Variants in KHDRBS2 observed in about 807,000 individuals in gnomAD.
KHDRBS2 encodes the protein KH RNA binding domain containing, signal transduction associated 2, also known as KH domain-containing, RNA-binding, signal transduction-associated protein 2.
In KHDRBS2, 26 loss-of-function variants were observed where a neutral mutation model predicts 44.3. The ratio of observed to expected loss-of-function variants is 0.59; its 90% CI spans 0.43 to 0.81. The LOEUF (loss-of-function observed/expected upper bound fraction) is 0.81, where lower values mean the gene tolerates loss of function less well. Ranked by LOEUF, KHDRBS2 falls within the 40% of genes least tolerant of loss-of-function variation. KHDRBS2 has a pLI of 0.00. For synonymous variants in KHDRBS2, 194 were observed against 151.1 expected, an observed-to-expected ratio of 1.28 and a Z score of -2.08; for missense variants, 476 against 433.1, an observed-to-expected ratio of 1.10 and a Z score of -0.88.
intron 6 of KHDRBS2, among the ~76,000 whole-genome samples, chr6:61,733,937 C>G (rs192101851): frequency 1.3e-4 from 20 of 152,262 alleles, no homozygotes; most frequent in Admixed American, 7.2e-4. Context: ...CCTAGCACTT[C>G]ATAAATTCTT....
At chr6:62,183,843 A>T (rs1287505140) in intron 1 of KHDRBS2, among the ~76,000 whole-genome samples, 1 of 151,680 alleles carries the variant, frequency 6.6e-6, no homozygotes, top group East Asian at 1.9e-4. Flanking sequence ...GAGGTTGTAA[A>T]ACACCTAACT....
intron 3 of KHDRBS2, among the ~76,000 whole-genome samples, chr6:61,990,238 T>A (rs999524665): frequency 6.6e-6 from 1 of 152,170 alleles, no homozygotes; most frequent in African/African-American, 2.4e-5. Context: ...TCAGATTTTT[T>A]GTCCAGAAAG....
chr6:62,113,036 A>C (rs1383635419), intron 2 of KHDRBS2, among the ~76,000 whole-genome samples: 1 of 152,140 alleles, frequency 6.6e-6, no homozygotes, highest in Admixed American at 6.6e-5. Flanking sequence ...CATTACATCC[A>C]AAATGATTTG....
chr6:62,082,546 C>T (rs1458818177), intron 2 of KHDRBS2, among the ~76,000 whole-genome samples: 1 of 152,094 alleles, frequency 6.6e-6, no homozygotes, highest in South Asian at 2.1e-4. Context: ...ACTTTTATTA[C>T]TACATCTGTC....
chr6:62,083,798 G>T (rs752001292), intron 2 of KHDRBS2, among the ~76,000 whole-genome samples: 1 of 152,158 alleles, frequency 6.6e-6, no homozygotes, highest in Non-Finnish European at 1.5e-5. Flanking sequence ...AGCTTCAGTA[G>T]CAAACTATTA....
chr6:61,668,366 A>G, the KHDRBS2 span, among the ~76,000 whole-genome samples: 3 of 151,052 alleles, frequency 2.0e-5, no homozygotes, highest in African/African-American at 4.8e-5. Context: ...GCTGGTATAA[A>G]TTTTTATTCT....
intron 4 of KHDRBS2, among the ~76,000 whole-genome samples, chr6:61,911,737 C>T (rs1806081843): frequency 6.6e-6 from 1 of 151,746 alleles, no homozygotes; most frequent in Admixed American, 6.6e-5. Flanking sequence ...GTGATTATTC[C>T]TTCTAGCTGT....
chr6:61,633,533 C>A, the KHDRBS2 span, among the ~76,000 whole-genome samples: 1 of 152,146 alleles, frequency 6.6e-6, no homozygotes, highest in Admixed American at 6.6e-5. Context: ...CTTAGGTATT[C>A]TCCTAAGTGC....
In KHDRBS2 at chr6:62,243,816, G is replaced by A. The variant is rs1835089553; in HGVS notation, c.91+42042C>T. Among the ~76,000 whole-genome samples the A allele has an allele frequency of 3.3e-5, 5 of 152,082 alleles. No individual in the cohort carries two copies. The South Asian group carries it at 1.0e-3, about 31-fold the overall frequency. ...GCAGAGCTGCTGAGAGGATGGGTTA[G>A]GTGGTATGCCAAAAGCCAAGCTGAG... is the stretch of plus-strand genomic sequence containing the variant. On this transcript the variant is annotated intron_variant, in intron 1 of 8. Coordinates refer to ENST00000281156, the MANE Select transcript of KHDRBS2 (RefSeq NM_152688.4).
At chr6:62,235,996 T>C (rs779987437) in intron 1 of KHDRBS2, among the ~76,000 whole-genome samples, 5 of 152,156 alleles carry the variant, frequency 3.3e-5, no homozygotes, top group Non-Finnish European at 5.9e-5. Context: ...TGTCTTTCAA[T>C]AGTCTATTTC....
chr6:62,224,732 T>C (rs1831478197), intron 1 of KHDRBS2, among the ~76,000 whole-genome samples: 2 of 152,188 alleles, frequency 1.3e-5, no homozygotes, highest in South Asian at 2.1e-4. Context: ...AGTGGAAACA[T>C]GGCTTAAGTT....
intron 1 of KHDRBS2, among the ~76,000 whole-genome samples, chr6:62,182,215 T>C (rs1297462914): frequency 1.3e-5 from 2 of 151,988 alleles, no homozygotes; most frequent in African/African-American, 4.8e-5. Flanking sequence ...ATAGCAGTCC[T>C]AACAGACTAA....
At chr6:62,176,204 A>C (rs934508620) in intron 2 of KHDRBS2, among the ~76,000 whole-genome samples, 1 of 151,408 alleles carries the variant, frequency 6.6e-6, no homozygotes, top group African/African-American at 2.4e-5. Context: ...CAAATCTAAT[A>C]AAGTTTATTT....
the KHDRBS2 span, among the ~76,000 whole-genome samples, chr6:61,563,877 T>A: frequency 2.6e-5 from 4 of 152,130 alleles, no homozygotes; most frequent in South Asian, 8.3e-4. Context: ...CATTTGCACT[T>A]AAATAAAGTT....
At chr6:62,157,488 A>T (rs1183960779) in intron 2 of KHDRBS2, among the ~76,000 whole-genome samples, 1 of 152,308 alleles carries the variant, frequency 6.6e-6, no homozygotes, top group South Asian at 2.1e-4. Flanking sequence ...TTAAAATTAA[A>T]CCAGTTTTTG....
chr6:61,583,628 T>C, the KHDRBS2 span, among the ~76,000 whole-genome samples: 1 of 151,782 alleles, frequency 6.6e-6, no homozygotes, highest in Non-Finnish European at 1.5e-5. Flanking sequence ...ATAGCAAATC[T>C]GGAGTCAGGT....
intron 3 of KHDRBS2, among the ~76,000 whole-genome samples, chr6:62,009,110 T>C (rs534664258): frequency 6.6e-6 from 1 of 152,230 alleles, no homozygotes; most frequent in South Asian, 2.1e-4. Flanking sequence ...TAGAGACTTG[T>C]TGAATGGCTT....
chr6:62,278,920 C>A (rs1256588423), intron 1 of KHDRBS2, among the ~76,000 whole-genome samples: 1 of 151,972 alleles, frequency 6.6e-6, no homozygotes, highest in Non-Finnish European at 1.5e-5. Context: ...CGGTGAAACC[C>A]CGTCTCTACT....
intron 1 of KHDRBS2, among the ~76,000 whole-genome samples, chr6:62,235,522 C>T (rs1833570962): frequency 6.6e-6 from 1 of 151,894 alleles, no homozygotes; most frequent in African/African-American, 2.4e-5. Context: ...TATTTATTTC[C>T]TCTGGGATCA....
Sources: allele counts gnomAD v4.1 joint callset (sites outside exome capture counted in the v4.1 genomes callset), GRCh38; gene constraint gnomAD v4.1.1; transcripts MANE v1.5; gene names NCBI Gene and HGNC (gene_info 2026-07-23, HGNC 2026-07-21).